Variants in MLLT3 observed in about 807,000 individuals in gnomAD.
The protein encoded by MLLT3 is MLLT3 super elongation complex subunit.
Under a neutral mutation model 53.2 loss-of-function variants are expected in MLLT3, and 4 were observed. That is an observed-to-expected ratio of 0.08 (90% CI 0.04 to 0.17). The LOEUF (loss-of-function observed/expected upper bound fraction) is 0.17. Among genes scored for constraint, MLLT3 ranks in the 10% least tolerant of loss-of-function variants. The pLI, the probability that MLLT3 is intolerant of heterozygous loss-of-function variation, is 1.00. For missense variants in MLLT3, 569 were observed against 684.0 expected (o/e 0.83, Z 1.87); for synonymous variants, 283 against 230.6 (o/e 1.23, Z -2.06).
intron 2 of MLLT3, among the ~76,000 whole-genome samples, chr9:20,508,302 T>C (rs2118955520): frequency 6.6e-6 from 1 of 152,296 alleles, no homozygotes; most frequent in South Asian, 2.1e-4. Context: ...AAGAAAAATG[T>C]CTTCAGTCCT....
In MLLT3 at chr9:20,366,422, A is replaced by G. The variant is rs916052596; in HGVS notation, c.1126-678T>C. 5.3e-5 allele frequency among the ~76,000 whole-genome samples: 8 copies of G among 152,272 alleles called. No individual in the cohort carries two copies. The East Asian group carries it at 1.3e-3, about 26-fold the overall frequency. On this transcript the variant is annotated intron_variant, in intron 5 of 10. Coordinates refer to ENST00000380338, the MANE Select transcript of MLLT3 (RefSeq NM_004529.4). ...GTATTTCATGGTGTACATGTGCCAC[A>G]TGTTCTTTATCCAGTCTATCACTGA...
At chr9:20,358,545 T>C (rs1000546688) in intron 8 of MLLT3, among the ~76,000 whole-genome samples, 5 of 152,102 alleles carry the variant, frequency 3.3e-5, no homozygotes, top group Admixed American at 6.5e-5. Flanking sequence ...GCTAGACAGG[T>C]AAAAAACAGT....
intron 2 of MLLT3, among the ~76,000 whole-genome samples, chr9:20,585,487 A>G (rs1365022855): frequency 6.6e-6 from 1 of 152,226 alleles, no homozygotes; most frequent in Non-Finnish European, 1.5e-5. Context: ...AGTTTTGTAA[A>G]GAACCGTGAA....
chr9:20,459,993 G>A (rs1334525719), intron 2 of MLLT3, among the ~76,000 whole-genome samples: 1 of 152,144 alleles, frequency 6.6e-6, no homozygotes, highest in East Asian at 1.9e-4. Context: ...ATTAGGGGAA[G>A]TTGTTTATTT....
intron 5 of MLLT3, among the ~76,000 whole-genome samples, chr9:20,389,623 C>CA (rs1002962152): frequency 6.5e-4 from 93 of 144,124 alleles, no homozygotes; most frequent in Middle Eastern, 6.9e-3. Flanking sequence ...AAAATTAAAA[C>CA]AAAAAAAAAA....
intron 2 of MLLT3, among the ~76,000 whole-genome samples, chr9:20,524,841 G>A (rs999870247): frequency 6.6e-6 from 1 of 152,116 alleles, no homozygotes; most frequent in African/African-American, 2.4e-5. Context: ...TTTCACAAAT[G>A]TATTCCCAAA....
At chr9:20,567,043 T>C (rs1819394925) in intron 2 of MLLT3, among the ~76,000 whole-genome samples, 1 of 152,088 alleles carries the variant, frequency 6.6e-6, no homozygotes, top group Non-Finnish European at 1.5e-5. Context: ...TCTCAGGGTA[T>C]CAACCTCAGA....
At chr9:20,598,191 A>T (rs938405925) in intron 2 of MLLT3, among the ~76,000 whole-genome samples, 1 of 152,354 alleles carries the variant, frequency 6.6e-6, no homozygotes, top group Non-Finnish European at 1.5e-5. Flanking sequence ...TGTAGAAACC[A>T]AAAATGATAT....
In MLLT3 at chr9:20,620,545, G is replaced by GC. The variant is rs1045943386; in HGVS notation, c.193+108dup. 1.2e-4 allele frequency: 115 copies of GC among 992,392 alleles called. No individual in the cohort carries two copies. The highest frequency in any genetic ancestry group is 1.4e-4 in the Non-Finnish European group (106 of 744,288). The allele number at this position is 992,392 out of a possible 1,614,324, so 61.5% of individuals were successfully genotyped here. On this transcript the variant is annotated intron_variant, in intron 2 of 10. Transcript: ENST00000380338. This position sits in a 1 kb window ranked among gnomAD's most constrained non-coding sequence, Gnocchi z 6.1. ...CCGCGCACCCGGATCCCGAGGCTACGCCGGCGAGCGCGGCGCGGGGGGCGG... is the reference window on the plus strand; with the variant it reads ...CCGCGCACCCGGATCCCGAGGCTACGCCCGGCGAGCGCGGCGCGGGGGGCGG...
chr9:20,427,531 G>A (rs937986878), intron 4 of MLLT3, among the ~76,000 whole-genome samples: 25 of 151,248 alleles, frequency 1.7e-4, no homozygotes, highest in Admixed American at 5.9e-4. Context: ...AAGAACATAG[G>A]GACACAATGG....
intron 2 of MLLT3, among the ~76,000 whole-genome samples, chr9:20,530,562 G>A (rs1818305599): frequency 6.6e-6 from 1 of 152,180 alleles, no homozygotes; most frequent in Admixed American, 6.5e-5. Flanking sequence ...AATGTTTTCA[G>A]AAATCCGTAC....
intron 2 of MLLT3, among the ~76,000 whole-genome samples, chr9:20,557,507 T>C (rs1819092915): frequency 6.6e-6 from 1 of 152,194 alleles, no homozygotes; most frequent in South Asian, 2.1e-4. Context: ...CCCACCAAAA[T>C]TTCTACTACA....
At chr9:20,568,957 A>T (rs1366520046) in intron 2 of MLLT3, among the ~76,000 whole-genome samples, 7 of 152,166 alleles carry the variant, frequency 4.6e-5, no homozygotes, top group African/African-American at 1.7e-4. Flanking sequence ...GATGTCTCAG[A>T]GAAAAAAAAT....
At chr9:20,392,881 TA>T (rs1198026320) in intron 5 of MLLT3, among the ~76,000 whole-genome samples, 1 of 152,102 alleles carries the variant, frequency 6.6e-6, no homozygotes, top group East Asian at 1.9e-4. Flanking sequence ...AAGGTATCAT[TA>T]AAAGACTGAT....
At position 20,455,927 on chromosome 9, in the gene MLLT3, C is replaced by CTTT. The variant is rs780438955; in HGVS notation, c.276+774_276+776dup. Reference sequence around the variant, plus strand: ...TATGCCACATATGTACTGCTAAAAACTTTTTTTTTTTTTTTTTTTTTTGAG... The same window carrying CTTT: ...TATGCCACATATGTACTGCTAAAAACTTTTTTTTTTTTTTTTTTTTTTTTTGAG... On this transcript the variant is annotated intron_variant, in intron 3 of 10. Transcript: ENST00000380338. 7.4e-4 allele frequency among the ~76,000 whole-genome samples: 87 copies of CTTT among 116,836 alleles called. 1 individual carries two copies. The highest frequency in any genetic ancestry group is 2.1e-3 in the African/African-American group (64 of 30,300). 76.6% of individuals were successfully genotyped at this position (116,836 alleles called of 152,430 possible).
chr9:20,451,403 G>A (rs1276478074), intron 3 of MLLT3, among the ~76,000 whole-genome samples: 1 of 152,038 alleles, frequency 6.6e-6, no homozygotes, highest in Non-Finnish European at 1.5e-5. Flanking sequence ...AAAGAATGAG[G>A]TAATATCAAC....
At chr9:20,508,471 G>C (rs1281606001) in intron 2 of MLLT3, among the ~76,000 whole-genome samples, 1 of 152,070 alleles carries the variant, frequency 6.6e-6, no homozygotes, top group Non-Finnish European at 1.5e-5. Flanking sequence ...TAAAGCAGAA[G>C]AAATTCTAGT....
intron 2 of MLLT3, among the ~76,000 whole-genome samples, chr9:20,575,068 G>A (rs926248145): frequency 1.3e-5 from 2 of 152,168 alleles, no homozygotes; most frequent in African/African-American, 4.8e-5. Flanking sequence ...CAGCAATTCA[G>A]TCACATATTC....
intron 2 of MLLT3, among the ~76,000 whole-genome samples, chr9:20,475,178 T>C (rs12350051): frequency 0.21 from 32,645 of 151,996 alleles, 3,651 homozygotes; most frequent in Middle Eastern, 0.25. Context: ...AAGTTATTTG[T>C]GATGGGATGG....
Sources: allele counts gnomAD v4.1 joint callset (sites outside exome capture counted in the v4.1 genomes callset), GRCh38; gene constraint gnomAD v4.1.1; non-coding constraint Gnocchi (gnomAD v3.1); transcripts MANE v1.5; gene names NCBI Gene and HGNC (gene_info 2026-07-23, HGNC 2026-07-21).